Variants in FHIT observed in about 807,000 individuals in gnomAD.
FHIT encodes fragile histidine triad diadenosine triphosphatase.
Under a neutral mutation model 17.9 loss-of-function variants are expected in FHIT, and 19 were observed. The observed-to-expected ratio is 1.06, with a 90% CI of 0.74 to 1.56. The LOEUF is 1.56. Among genes scored for constraint, FHIT ranks in the 40% most tolerant of loss-of-function variants. The pLI, the probability that FHIT is intolerant of heterozygous loss-of-function variation, is 0.00. For missense variants in FHIT, 248 were observed against 189.2 expected (o/e 1.31, Z -1.82); for synonymous variants, 81 against 69.7 (o/e 1.16, Z -0.81).
At chr3:61,089,755 A>G (rs2035422562) in intron 2 of FHIT, among the ~76,000 whole-genome samples, 2 of 152,186 alleles carry the variant, frequency 1.3e-5, no homozygotes, top group South Asian at 4.1e-4. Flanking sequence ...ATTCAGCCCC[A>G]AATTATCCCC....
intron 7 of FHIT, among the ~76,000 whole-genome samples, chr3:59,956,940 A>G (rs538928977): frequency 8.2e-4 from 125 of 152,248 alleles, no homozygotes; most frequent in African/African-American, 2.9e-3. Flanking sequence ...TTTATTTCCT[A>G]GTACTAATCT....
chr3:61,166,282 T>C (rs986954692), intron 2 of FHIT, among the ~76,000 whole-genome samples: 4 of 152,346 alleles, frequency 2.6e-5, no homozygotes, highest in South Asian at 4.1e-4. Context: ...CAAAGTCACA[T>C]TGCCAGTCCT....
intron 5 of FHIT, among the ~76,000 whole-genome samples, chr3:60,214,111 C>T (rs1559733416): frequency 6.6e-6 from 1 of 152,126 alleles, no homozygotes; most frequent in South Asian, 2.1e-4. Flanking sequence ...CCTACCCTCA[C>T]TACAAACAGA....
intron 5 of FHIT, among the ~76,000 whole-genome samples, chr3:60,368,567 A>T (rs892827764): frequency 2.6e-5 from 4 of 152,042 alleles, no homozygotes; most frequent in Non-Finnish European, 5.9e-5. Context: ...TTCTGCATAC[A>T]TGTCTTTTGT....
chr3:61,193,341 C>T lies in FHIT; in HGVS notation c.-164+7276G>A, dbSNP rs1004607893. 3.9e-5 allele frequency among the ~76,000 whole-genome samples: 6 copies of T among 152,040 alleles called. No homozygotes were observed. In the East Asian group the frequency reaches 5.8e-4, roughly 15 times the overall value. On this transcript the variant is annotated intron_variant, in intron 2 of 9. Transcript: ENST00000492590. ...CTAGAGAGGTGACAGGACTTTTGAT[C>T]GGGATAGTGATGGGATACTGGGAAA...
intron 4 of FHIT, chr3:60,732,646 T>C (rs1160377500): frequency 1.1e-5 from 5 of 444,946 alleles, no homozygotes; most frequent in Non-Finnish European, 1.7e-5. Flanking sequence ...TGGCTGATAG[T>C]AGGGTGCTCC....
intron 8 of FHIT, among the ~76,000 whole-genome samples, chr3:59,865,655 T>C (rs1308474666): frequency 9.3e-6 from 1 of 107,982 alleles, no homozygotes; most frequent in East Asian, 2.9e-4. Context: ...GCTTTTACCC[T>C]TTGCAATCTA....
chr3:60,395,301 G>C (rs1701392329), intron 5 of FHIT, among the ~76,000 whole-genome samples: 1 of 152,094 alleles, frequency 6.6e-6, no homozygotes, highest in Non-Finnish European at 1.5e-5. Flanking sequence ...GCTGTCCTGA[G>C]CATTTTATAT....
intron 5 of FHIT, among the ~76,000 whole-genome samples, chr3:60,199,054 T>C (rs760830155): frequency 1.3e-5 from 2 of 152,152 alleles, no homozygotes; most frequent in Non-Finnish European, 2.9e-5. Flanking sequence ...ACGCTATTGT[T>C]AGAAGTGGAA....
chr3:61,163,736 A>T (rs1380572334), intron 2 of FHIT, among the ~76,000 whole-genome samples: 3 of 139,298 alleles, frequency 2.2e-5, no homozygotes, highest in Non-Finnish European at 4.4e-5. Context: ...CACACCCCCT[A>T]TGTCCAATCA....
intron 5 of FHIT, among the ~76,000 whole-genome samples, chr3:60,286,492 C>G (rs550860382): frequency 6.6e-6 from 1 of 152,122 alleles, no homozygotes; most frequent in Non-Finnish European, 1.5e-5. Context: ...AGGACATTTT[C>G]AATATTAGTG....
Position 61,118,739 on chromosome 3 carries a change from T to C in FHIT, c.-163-76640A>G, listed in dbSNP as rs191570751. Among the ~76,000 whole-genome samples the C allele has an allele frequency of 6.6e-5, 10 of 152,308 alleles. No homozygotes were observed. The East Asian group carries it at 1.5e-3, about 24-fold the overall frequency. ...GCTCATTGTACCTACTGGAGTGTTG[T>C]TGTAAGAATTGAATGTAAAGTAGAA... On this transcript the variant is annotated intron_variant, in intron 2 of 9. Coordinates refer to ENST00000492590, the MANE Select transcript of FHIT (RefSeq NM_002012.4).
chr3:59,801,695 T>C (rs763937239), intron 8 of FHIT, among the ~76,000 whole-genome samples: 11 of 151,972 alleles, frequency 7.2e-5, no homozygotes, highest in Non-Finnish European at 1.5e-4. Context: ...ACCAGCTCCT[T>C]CCAACAACTC....
chr3:60,276,281 C>A (rs879257307), intron 5 of FHIT, among the ~76,000 whole-genome samples: 1 of 152,144 alleles, frequency 6.6e-6, no homozygotes. Flanking sequence ...CCACTGCACC[C>A]GGCCTGTTTT....
chr3:61,101,964 T>C (rs1351100352), intron 2 of FHIT, among the ~76,000 whole-genome samples: 2 of 152,152 alleles, frequency 1.3e-5, no homozygotes, highest in African/African-American at 4.8e-5. Context: ...GCTGAGACAA[T>C]GGGGTTTTCT....
chr3:60,176,957 A>C (rs1380109113), intron 5 of FHIT, among the ~76,000 whole-genome samples: 1 of 152,174 alleles, frequency 6.6e-6, no homozygotes, highest in Non-Finnish European at 1.5e-5. Flanking sequence ...GCAAGGAGAA[A>C]GGCCAGAAAT....
intron 5 of FHIT, among the ~76,000 whole-genome samples, chr3:60,105,999 G>C (rs1215642273): frequency 6.6e-6 from 1 of 152,150 alleles, no homozygotes; most frequent in Non-Finnish European, 1.5e-5. Flanking sequence ...CAATTCATAA[G>C]TTTTCAACTG....
chr3:59,941,675 C>G (rs151199143), intron 7 of FHIT, among the ~76,000 whole-genome samples: 164 of 152,176 alleles, frequency 1.1e-3, no homozygotes, highest in African/African-American at 3.9e-3. Context: ...GAGCTGCACT[C>G]CAGGTACTAA....
intron 7 of FHIT, among the ~76,000 whole-genome samples, chr3:59,975,952 G>C (rs973235713): frequency 1.3e-5 from 2 of 152,060 alleles, no homozygotes; most frequent in African/African-American, 4.8e-5. Flanking sequence ...CCCTGTACTA[G>C]AATGCTCCCA....
Sources: gnomAD v4.1 joint callset for allele counts (sites outside exome capture counted in the v4.1 genomes callset) on GRCh38, gnomAD v4.1.1 for gene constraint, MANE v1.5 for transcripts, NCBI Gene and HGNC (gene_info 2026-07-23, HGNC 2026-07-21) for gene names.